Variants in SLC71A2 observed in about 807,000 individuals in gnomAD.
SLC71A2 encodes solute carrier family 71 member 2.
At chr9:94,418,547 A>G in the SLC71A2 span, among the ~76,000 whole-genome samples, 1 of 151,812 alleles carries the variant, frequency 6.6e-6, no homozygotes, top group East Asian at 1.9e-4. Context: ...GTTTCAGGCG[A>G]TTCTCAGCCT....
the SLC71A2 span, chr9:94,451,676 CTATAG>C: frequency 2.2e-6 from 1 of 463,682 alleles, no homozygotes; most frequent in Non-Finnish European, 3.8e-6. Flanking sequence ...GTCTTGCAAG[CTATAG>C]TATAATATCA....
chr9:94,384,933 A>G, the SLC71A2 span, among the ~76,000 whole-genome samples: 4 of 152,066 alleles, frequency 2.6e-5, no homozygotes, highest in South Asian at 8.3e-4. Flanking sequence ...TCCTTATAAA[A>G]TAATGAGTTT....
chr9:94,440,015 T>C, the SLC71A2 span, among the ~76,000 whole-genome samples: 1 of 152,256 alleles, frequency 6.6e-6, no homozygotes, highest in Non-Finnish European at 1.5e-5. Flanking sequence ...AGTATTGTAA[T>C]GTTTCATCAT....
chr9:94,417,295 G>C, the SLC71A2 span, among the ~76,000 whole-genome samples: 99 of 151,944 alleles, frequency 6.5e-4, no homozygotes, highest in African/African-American at 2.3e-3. Flanking sequence ...GGGTATCTGT[G>C]ACCACCATCC....
At chr9:94,446,714 C>G in the SLC71A2 span, 4 of 523,402 alleles carry the variant, frequency 7.6e-6, no homozygotes, top group Non-Finnish European at 1.4e-5. Flanking sequence ...AACCATTTGA[C>G]TTTTGTTATT....
the SLC71A2 span, among the ~76,000 whole-genome samples, chr9:94,383,247 C>T: frequency 6.7e-6 from 1 of 149,124 alleles, no homozygotes; most frequent in African/African-American, 2.5e-5. Context: ...ACTGCAACCT[C>T]CACTTCCCAG....
chr9:94,421,409 G>A, the SLC71A2 span, among the ~76,000 whole-genome samples: 1 of 152,056 alleles, frequency 6.6e-6, no homozygotes, highest in African/African-American at 2.4e-5. Flanking sequence ...TTTGGCCTTT[G>A]TGTTTGTGTG....
the SLC71A2 span, among the ~76,000 whole-genome samples, chr9:94,458,835 A>G: frequency 2.0e-5 from 3 of 152,218 alleles, no homozygotes; most frequent in Admixed American, 1.3e-4. Flanking sequence ...AGCCATATCT[A>G]TACAAAGCTG....
At chr9:94,428,600 C>CTT in the SLC71A2 span, among the ~76,000 whole-genome samples, 17 of 98,434 alleles carry the variant, frequency 1.7e-4, no homozygotes, top group South Asian at 1.0e-3. Context: ...ACCCCCCCCC[C>CTT]TTTTTTTTTT....
At chr9:94,445,102 G>A in the SLC71A2 span, 3 of 1,614,216 alleles carry the variant, frequency 1.9e-6, no homozygotes, top group Non-Finnish European at 1.7e-6. Flanking sequence ...CTTAGTGGCT[G>A]TTCCAGAATC....
chr9:94,452,068 T>C, the SLC71A2 span, among the ~76,000 whole-genome samples: 1 of 152,260 alleles, frequency 6.6e-6, no homozygotes, highest in Non-Finnish European at 1.5e-5. Flanking sequence ...TTCCCTACTT[T>C]TTAGAATATT....
chr9:94,445,155 T>G, the SLC71A2 span: 2 of 1,613,742 alleles, frequency 1.2e-6, no homozygotes, highest in Non-Finnish European at 1.7e-6. Context: ...GAGCTCAGAT[T>G]TCTTGGAAAC....
At chr9:94,406,288 G>A in the SLC71A2 span, among the ~76,000 whole-genome samples, 1 of 152,090 alleles carries the variant, frequency 6.6e-6, no homozygotes, top group African/African-American at 2.4e-5. Context: ...GTTGCAGGCT[G>A]GGGTGCAGTG....
chr9:94,379,202 T>A, the SLC71A2 span, among the ~76,000 whole-genome samples: 5 of 150,934 alleles, frequency 3.3e-5, no homozygotes, highest in Admixed American at 3.3e-4. Flanking sequence ...TTCTCCTGCC[T>A]CAGCCTCCCA....
the SLC71A2 span, among the ~76,000 whole-genome samples, chr9:94,411,027 C>T: frequency 6.6e-6 from 1 of 152,214 alleles, no homozygotes; most frequent in African/African-American, 2.4e-5. Flanking sequence ...GGATTACAGG[C>T]ATGAGCCACT....
At chr9:94,405,502 A>C in the SLC71A2 span, among the ~76,000 whole-genome samples, 2 of 149,910 alleles carry the variant, frequency 1.3e-5, no homozygotes, top group African/African-American at 4.9e-5. Flanking sequence ...CCGTCTCAAA[A>C]AAAAAAAAAA....
the SLC71A2 span, among the ~76,000 whole-genome samples, chr9:94,378,484 C>T: frequency 2.6e-5 from 4 of 151,770 alleles, no homozygotes; most frequent in African/African-American, 7.3e-5. Context: ...AAAAATTAGC[C>T]GGGTGTGATG....
the SLC71A2 span, among the ~76,000 whole-genome samples, chr9:94,401,906 CTTGATTATATG>C: frequency 6.6e-6 from 1 of 152,200 alleles, no homozygotes; most frequent in Non-Finnish European, 1.5e-5. Context: ...ATGGCTGTTT[CTTGATTATATG>C]CTAAACAAGG....
the SLC71A2 span, among the ~76,000 whole-genome samples, chr9:94,378,163 G>A: frequency 2.8e-4 from 42 of 151,466 alleles, no homozygotes; most frequent in Non-Finnish European, 4.6e-4. Flanking sequence ...AGCTGTTTGC[G>A]TTGCTGTAAA....
Sources: gnomAD v4.1 joint callset for allele counts (sites outside exome capture counted in the v4.1 genomes callset) on GRCh38, gnomAD v4.1.1 for gene constraint, MANE v1.5 for transcripts, NCBI Gene and HGNC (gene_info 2026-07-23, HGNC 2026-07-21) for gene names.